SPIDR: variants seen among roughly 807,000 people sequenced by gnomAD.
The protein encoded by SPIDR is scaffold protein involved in DNA repair.
A neutral mutation model predicts 104.6 loss-of-function variants in SPIDR; 93 were observed. The ratio of observed to expected loss-of-function variants is 0.89; its 90% CI spans 0.75 to 1.06. SPIDR has a LOEUF of 1.06. SPIDR is among the 50% of genes least tolerant of loss of function. SPIDR has a pLI of 0.00. For missense variants in SPIDR, 1,154 were observed against 1,111.2 expected, an observed-to-expected ratio of 1.04 and a Z score of -0.55; for synonymous variants, 431 against 416.9, an observed-to-expected ratio of 1.03 and a Z score of -0.41.
intron 10 of SPIDR, among the ~76,000 whole-genome samples, chr8:47,658,544 CTGTTGTTGTTGT>C (rs10584346): frequency 0.054 from 7,963 of 148,536 alleles, 244 homozygotes; most frequent in Middle Eastern, 0.082. Flanking sequence ...GGTTTTGTTA[CTGTTGTTGTTGT>C]TGTTGTTGTT....
chr8:47,301,764 A>G (rs1267684830), intron 5 of SPIDR, among the ~76,000 whole-genome samples: 1 of 118,192 alleles, frequency 8.5e-6, no homozygotes, highest in African/African-American at 3.4e-5. Flanking sequence ...AGAATGTTGA[A>G]TATTGGCCCC....
At chr8:47,550,861 A>G (rs1324619461) in intron 8 of SPIDR, among the ~76,000 whole-genome samples, 1 of 151,522 alleles carries the variant, frequency 6.6e-6, no homozygotes, top group Non-Finnish European at 1.5e-5. Flanking sequence ...TTCAAAAGGA[A>G]TGCTTCCAGC....
intron 8 of SPIDR, among the ~76,000 whole-genome samples, chr8:47,552,146 C>G (rs1023856115): frequency 6.6e-6 from 1 of 152,022 alleles, no homozygotes; most frequent in African/African-American, 2.4e-5. Context: ...CAGTTTGTTA[C>G]AATTTTTGTT....
chr8:47,449,807 A>G (rs541334645), intron 8 of SPIDR, among the ~76,000 whole-genome samples: 67 of 152,326 alleles, frequency 4.4e-4, no homozygotes, highest in Admixed American at 7.2e-4. Flanking sequence ...ACGCTTTTCA[A>G]TGGGGTGTAT....
chr8:47,275,246 G>A (rs1397889479), intron 1 of SPIDR, among the ~76,000 whole-genome samples: 14 of 151,090 alleles, frequency 9.3e-5, no homozygotes, highest in African/African-American at 3.4e-4. Flanking sequence ...GGGAGAGAGC[G>A]AGACTCAGTC....
intron 5 of SPIDR, among the ~76,000 whole-genome samples, chr8:47,328,642 C>A (rs1198370624): frequency 6.6e-6 from 1 of 152,046 alleles, no homozygotes; most frequent in African/African-American, 2.4e-5. Flanking sequence ...GGTCGTGACA[C>A]CCTTGTTTAG....
chr8:47,654,805 C>T (rs144122181), intron 10 of SPIDR, among the ~76,000 whole-genome samples: 17,389 of 152,042 alleles, frequency 0.11, 1,517 homozygotes, highest in African/African-American at 0.22. Context: ...ATACACGTGC[C>T]ATGTTGGTGT....
rs567338773 is a variant in SPIDR at position 47,422,190 on chromosome 8, A to G, written c.877+14229A>G. Among the ~76,000 whole-genome samples the G allele has an allele frequency of 2.6e-5, 4 of 152,230 alleles. No homozygotes were observed. In the South Asian group the frequency reaches 8.3e-4, roughly 32 times the overall value. ...GGTTTCTGCTGCCTTTTGTTTGGCTATGTCCTGCCCCCAGAGGTGGAGTCT... is the reference window on the plus strand; with the variant it reads ...GGTTTCTGCTGCCTTTTGTTTGGCTGTGTCCTGCCCCCAGAGGTGGAGTCT... On this transcript the variant is annotated intron_variant, in intron 7 of 19. Transcript: ENST00000297423.
chr8:47,263,921 A>G (rs1184972717), intron 1 of SPIDR, among the ~76,000 whole-genome samples: 1 of 152,196 alleles, frequency 6.6e-6, no homozygotes, highest in African/African-American at 2.4e-5. Context: ...TATTCTAGAC[A>G]TTTAAGATTA....
At position 47,735,393 on chromosome 8, in the gene SPIDR, C is replaced by A. The variant is rs749210214; in HGVS notation, c.2691C>A (p.Cys897Ter). ...CCGTAACCGCCCACCCGACCAGCTG[C>A]ATTGGATTGGAGGAAATCGAGCTTC... is the stretch of plus-strand genomic sequence containing the variant. ...VQSVTAHPTS[C>*]IGLEEIELLS... is the part of the protein sequence containing the mutation. The change falls in exon 20 of 20, where the codon TGC (cysteine) becomes TGA (stop). Residue 897 changes from cysteine (C) to a stop codon, truncating the protein, a stop_gained. Coordinates refer to ENST00000297423, the MANE Select transcript of SPIDR (RefSeq NM_001080394.4). LOFTEE classifies it low-confidence loss of function (END_TRUNC). 1.2e-6 allele frequency: 2 copies of A among 1,614,196 alleles called. No individual in the cohort carries two copies. The highest frequency in any genetic ancestry group is 1.3e-5 in the African/African-American group (1 of 75,042).
chr8:47,514,480 G>A (rs1043004713), intron 8 of SPIDR, among the ~76,000 whole-genome samples: 19 of 152,186 alleles, frequency 1.2e-4, no homozygotes, highest in African/African-American at 4.6e-4. Context: ...TGCAGGGGAT[G>A]TGTCTACAGA....
At chr8:47,564,328 C>CGA (rs1564346537) in intron 8 of SPIDR, among the ~76,000 whole-genome samples, 1 of 152,026 alleles carries the variant, frequency 6.6e-6, no homozygotes, top group African/African-American at 2.4e-5. Context: ...CTGCCCGGCT[C>CGA]AGCCTCCCAA....
At chr8:47,302,674 T>G (rs2042326942) in intron 5 of SPIDR, among the ~76,000 whole-genome samples, 1 of 152,232 alleles carries the variant, frequency 6.6e-6, no homozygotes, top group Admixed American at 6.5e-5. Context: ...GTCAGGACCC[T>G]CAGCTGCAGG....
chr8:47,659,818 T>G (rs2073774712), intron 10 of SPIDR: 1 of 709,686 alleles, frequency 1.4e-6, no homozygotes, highest in African/African-American at 1.9e-5. Flanking sequence ...GGAGGGCAGG[T>G]CTTTGTTGAT....
At chr8:47,339,984 A>G (rs1263528173) in intron 5 of SPIDR, among the ~76,000 whole-genome samples, 7 of 152,098 alleles carry the variant, frequency 4.6e-5, no homozygotes, top group Admixed American at 3.3e-4. Flanking sequence ...TGGACTGTTT[A>G]CATTCTTCTA....
chr8:47,671,286 T>C (rs957404976), intron 10 of SPIDR, among the ~76,000 whole-genome samples: 1 of 152,134 alleles, frequency 6.6e-6, no homozygotes, highest in Non-Finnish European at 1.5e-5. Context: ...AGTTTTTCTT[T>C]GTCTAAAAAT....
chr8:47,686,544 A>C (rs1010760354), intron 11 of SPIDR, among the ~76,000 whole-genome samples: 3 of 152,178 alleles, frequency 2.0e-5, no homozygotes, highest in African/African-American at 7.2e-5. Context: ...CTAGCTAATA[A>C]ATTAGATCAT....
chr8:47,502,060 G>A (rs964761767), intron 8 of SPIDR, among the ~76,000 whole-genome samples: 5 of 151,908 alleles, frequency 3.3e-5, no homozygotes, highest in African/African-American at 1.2e-4. Flanking sequence ...ATTTTATTGA[G>A]GATTCTGTCG....
chr8:47,606,529 AAAAC>A lies in SPIDR; in HGVS notation c.1544+7353_1544+7356del, dbSNP rs138757969. On this transcript the variant is annotated intron_variant, in intron 10 of 19. Transcript: ENST00000297423. ...CAACAGAGCGAGACTCCATCTCAAA[AAAAC>A]AAACAAACAAACAAACAAAAAACAA... 5.5e-3 allele frequency among the ~76,000 whole-genome samples: 836 copies of A among 152,180 alleles called. 3 individuals are homozygous for A. The highest frequency in any genetic ancestry group is 9.4e-3 in the Non-Finnish European group (641 of 68,014).
Sources: allele counts gnomAD v4.1 joint callset (sites outside exome capture counted in the v4.1 genomes callset), GRCh38; gene constraint gnomAD v4.1.1; transcripts MANE v1.5; gene names NCBI Gene and HGNC (gene_info 2026-07-23, HGNC 2026-07-21).